The following ACVR1 variants were observed in gnomAD, a reference collection of about 807,000 sequenced individuals.
ACVR1 encodes the protein activin receptor type-1.
ACVR1 carries 38 observed loss-of-function variants against 57.1 expected under a neutral mutation model. The observed-to-expected ratio is 0.67, with a 90% CI of 0.51 to 0.87. The LOEUF (loss-of-function observed/expected upper bound fraction) is 0.87, where lower values mean the gene tolerates loss of function less well. Ranked by LOEUF, ACVR1 falls within the 40% of genes least tolerant of loss-of-function variation. The pLI is 0.00. For missense variants in ACVR1, 463 were observed against 638.2 expected (o/e 0.73, Z 2.96); for synonymous variants, 212 against 228.1 (o/e 0.93, Z 0.63).
chr2:157,850,771 A>G (rs1409244188), intron 1 of ACVR1, among the ~76,000 whole-genome samples: 2 of 152,174 alleles, frequency 1.3e-5, no homozygotes, highest in East Asian at 3.9e-4. Flanking sequence ...AGCCTGGCCA[A>G]CACGGTGAAA....
intron 8 of ACVR1, 150 bp from the exon 9 acceptor site, chr2:157,761,227 T>C: frequency 1.4e-6 from 1 of 714,240 alleles, no homozygotes; most frequent in South Asian, 1.7e-5. Context: ...TAGAATGCCC[T>C]TTGTGATTAT....
At position 157,766,239 on chromosome 2, in the gene ACVR1, C is replaced by T. The variant is rs780190363; in HGVS notation, c.791-43G>A. On this transcript the variant is annotated intron_variant, in intron 7 of 10. Transcript: ENST00000434821. ...AAAATTAATATACATGAGGATTCCA[C>T]ATTATAACTTAAAGTATTTAGAAAT... The T allele has an allele frequency of 3.8e-6, 6 of 1,595,324 alleles. No homozygotes were observed. The Admixed American group carries it at 8.3e-5, about 22-fold the overall frequency.
intron 1 of ACVR1, among the ~76,000 whole-genome samples, chr2:157,865,918 T>C (rs989165268): frequency 2.6e-5 from 4 of 152,054 alleles, no homozygotes; most frequent in African/African-American, 9.7e-5. Flanking sequence ...CCCCAGTGAA[T>C]GCCCGAAACC....
Position 157,737,524 on chromosome 2 carries a change from G to A in ACVR1, c.*7C>T. The A allele has an allele frequency of 6.8e-6, 11 of 1,613,926 alleles. No individual in the cohort carries two copies. Among genetic ancestry groups the A allele is most frequent in the Non-Finnish European group, 7.6e-6 (9 of 1,179,918 alleles). The stretch of plus-strand genomic sequence containing the variant: ...GTCAAATCTTCCTTCTTGACACTAT[G>A]AAAATGTCAACAGTCAGTTTTCAAT... On this transcript the variant is annotated 3_prime_UTR_variant, in exon 11 of 11. Coordinates refer to ENST00000434821, the MANE Select transcript of ACVR1 (RefSeq NM_001111067.4).
intron 3 of ACVR1, among the ~76,000 whole-genome samples, chr2:157,796,675 T>A (rs1254048363): frequency 6.6e-6 from 1 of 151,144 alleles, no homozygotes; most frequent in Admixed American, 6.6e-5. Context: ...TAAATAATAA[T>A]CATTATTTAC....
chr2:157,781,920 T>C (rs574610768), intron 3 of ACVR1, among the ~76,000 whole-genome samples: 1 of 152,276 alleles, frequency 6.6e-6, no homozygotes, highest in South Asian at 2.1e-4. Flanking sequence ...ATTAGGAAAT[T>C]CAGCTTTCAG....
chr2:157,797,528 T>C (rs1307266375), intron 3 of ACVR1, among the ~76,000 whole-genome samples: 1 of 152,240 alleles, frequency 6.6e-6, no homozygotes, highest in Non-Finnish European at 1.5e-5. Context: ...AGTTTAGGCT[T>C]TCTCTATCTA....
At chr2:157,790,512 G>A in intron 3 of ACVR1, among the ~76,000 whole-genome samples, 1 of 152,214 alleles carries the variant, frequency 6.6e-6, no homozygotes, top group East Asian at 1.9e-4. Flanking sequence ...TAAATGTCCT[G>A]CAAAAGTTGT....
chr2:157,850,433 C>G (rs1286077096), intron 1 of ACVR1, among the ~76,000 whole-genome samples: 1 of 151,046 alleles, frequency 6.6e-6, no homozygotes, highest in East Asian at 1.9e-4. Flanking sequence ...TACATAGACT[C>G]AGACCAAGTC....
chr2:157,855,284 GT>G, intron 1 of ACVR1, among the ~76,000 whole-genome samples: 2 of 71,664 alleles, frequency 2.8e-5, no homozygotes, highest in African/African-American at 1.0e-4. Context: ...GTGTGTGTGT[GT>G]GTGTGTGTGT....
At chr2:157,750,250 C>T (rs952517848) in intron 9 of ACVR1, among the ~76,000 whole-genome samples, 4 of 152,188 alleles carry the variant, frequency 2.6e-5, no homozygotes, top group Non-Finnish European at 5.9e-5. Flanking sequence ...GATGATGAGC[C>T]TGTCTACCAC....
intron 1 of ACVR1, among the ~76,000 whole-genome samples, chr2:157,837,217 C>T (rs1284521873): frequency 2.0e-5 from 3 of 152,216 alleles, no homozygotes; most frequent in African/African-American, 4.8e-5. Context: ...AGGTAATCAG[C>T]TCATCTCTCT....
chr2:157,770,062 C>A (rs1057409173), intron 7 of ACVR1, among the ~76,000 whole-genome samples: 1 of 152,108 alleles, frequency 6.6e-6, no homozygotes, highest in Non-Finnish European at 1.5e-5. Context: ...AGTAGAACAA[C>A]CAATGAGCCT....
At chr2:157,869,163 C>T (rs1486718211) in intron 1 of ACVR1, among the ~76,000 whole-genome samples, 1 of 152,176 alleles carries the variant, frequency 6.6e-6, no homozygotes, top group Non-Finnish European at 1.5e-5. Flanking sequence ...ATCAGCCCCA[C>T]CTTTGATGCT....
chr2:157,813,191 G>GAAA (rs903899706), intron 2 of ACVR1, among the ~76,000 whole-genome samples: 1 of 140,234 alleles, frequency 7.1e-6, no homozygotes. Flanking sequence ...CCATGAAAAA[G>GAAA]AAAAAAAAAA....
chr2:157,789,371 T>A (rs138783095), intron 3 of ACVR1, among the ~76,000 whole-genome samples: 2 of 152,314 alleles, frequency 1.3e-5, no homozygotes, highest in East Asian at 3.9e-4. Flanking sequence ...CTGAGATGTG[T>A]CACGAGGCCA....
At chr2:157,758,550 A>AT (rs1471716734) in intron 9 of ACVR1, among the ~76,000 whole-genome samples, 2 of 152,076 alleles carry the variant, frequency 1.3e-5, no homozygotes, top group African/African-American at 4.8e-5. Context: ...ATTTTTATAC[A>AT]AAGCAAATAT....
intron 1 of ACVR1, among the ~76,000 whole-genome samples, chr2:157,855,565 T>A (rs1388097929): frequency 6.6e-6 from 1 of 151,894 alleles, no homozygotes; most frequent in Non-Finnish European, 1.5e-5. Flanking sequence ...ATTTTTAGGT[T>A]TTAAATCAAA....
At chr2:157,804,682 A>C (rs1421291015) in intron 2 of ACVR1, among the ~76,000 whole-genome samples, 1 of 152,222 alleles carries the variant, frequency 6.6e-6, no homozygotes, top group Non-Finnish European at 1.5e-5. Flanking sequence ...CGCTATTCAG[A>C]AAATGGTTAG....
Sources: allele counts gnomAD v4.1 joint callset (sites outside exome capture counted in the v4.1 genomes callset), GRCh38; gene constraint gnomAD v4.1.1; transcripts MANE v1.5; gene names NCBI Gene and HGNC (gene_info 2026-07-23, HGNC 2026-07-21).